TBC1D23: variants seen among roughly 807,000 people sequenced by gnomAD.
TBC1D23 encodes TBC1 domain family member 23, also known as HCV non-structural protein 4A-transactivated protein 1.
In TBC1D23, 55 loss-of-function variants were observed where a neutral mutation model predicts 91.4. The observed-to-expected ratio is 0.60, with a 90% CI of 0.48 to 0.75. The LOEUF is 0.75. Ranked by LOEUF, TBC1D23 falls within the 30% of genes least tolerant of loss-of-function variation. TBC1D23 has a pLI of 0.00. For synonymous variants in TBC1D23, 289 were observed against 281.0 expected, an observed-to-expected ratio of 1.03 and a Z score of -0.28; for missense variants, 725 against 836.1, an observed-to-expected ratio of 0.87 and a Z score of 1.64.
rs775998079 is a variant in TBC1D23 at position 100,290,595 on chromosome 3, G to A, written c.494G>A (p.Gly165Glu). The change falls in exon 5 of 19, where the codon GGG (glycine) becomes GAG (glutamate). Residue 165 changes from glycine to glutamate, a missense_variant. Transcript: ENST00000394144. ...KYIPRDCSQK[G>E]RPFHLFRLLI... ...TCTTCTAGGGATTGTTCCCAGAAAG[G>A]GAGACCATTTCATCTCTTCAGGTTG... 3.1e-6 allele frequency: 5 copies of A among 1,613,686 alleles called. No homozygotes were observed. Among genetic ancestry groups the A allele is most frequent in the Non-Finnish European group, 4.2e-6 (5 of 1,179,794 alleles).
intron 4 of TBC1D23, among the ~76,000 whole-genome samples, chr3:100,287,081 G>A (rs915641859): frequency 2.0e-5 from 3 of 152,142 alleles, no homozygotes; most frequent in African/African-American, 7.2e-5. Context: ...CCAAAGTGCT[G>A]AGATTACAGG....
Position 100,306,460 on chromosome 3 carries a change from A to G in TBC1D23, c.1330A>G (p.Ile444Val). ...AGCACTGCAGCAGCACCTGGCAGAC[A>G]TTAATGTGGATGGACCAGAAAATGG... is the stretch of plus-strand genomic sequence containing the variant. ...FMALQQHLADINVDGPENGYG... is the reference protein window; with the variant it reads ...FMALQQHLADVNVDGPENGYG... The change falls in exon 13 of 19, where the codon ATT (isoleucine) becomes GTT (valine). Residue 444 changes from isoleucine to valine, a missense_variant. By Grantham distance (29) the Ile-to-Val change is conservative. Coordinates refer to ENST00000394144, the MANE Select transcript of TBC1D23 (RefSeq NM_001199198.3). The G allele has an allele frequency of 6.2e-7, 1 of 1,611,250 alleles. No homozygotes were observed. Among genetic ancestry groups the G allele is most frequent in the Non-Finnish European group, 8.5e-7 (1 of 1,177,566 alleles).
chr3:100,304,738 G>C (rs150310875), intron 11 of TBC1D23, 108 bp from the exon 12 acceptor site: 2 of 658,198 alleles, frequency 3.0e-6, no homozygotes, highest in Non-Finnish European at 5.5e-6. Flanking sequence ...AGAAAGCCCG[G>C]TAATTTAATG....
At chr3:100,275,682 A>G (rs2067642888) in intron 1 of TBC1D23, among the ~76,000 whole-genome samples, 1 of 152,220 alleles carries the variant, frequency 6.6e-6, no homozygotes. Flanking sequence ...TATATGTATC[A>G]TACACTTAAC....
chr3:100,276,365 C>G (rs1166067683), intron 1 of TBC1D23, among the ~76,000 whole-genome samples: 2 of 151,340 alleles, frequency 1.3e-5, no homozygotes, highest in Non-Finnish European at 2.9e-5. Flanking sequence ...ATATGTAATC[C>G]AGTTGCTTTT....
At chr3:100,276,351 C>T (rs1176855675) in intron 1 of TBC1D23, among the ~76,000 whole-genome samples, 3 of 151,656 alleles carry the variant, frequency 2.0e-5, no homozygotes, top group Non-Finnish European at 4.4e-5. Flanking sequence ...TTTAGGAACA[C>T]AATATATGTA....
chr3:100,296,655 C>G (rs930229671), intron 8 of TBC1D23, among the ~76,000 whole-genome samples: 5 of 151,246 alleles, frequency 3.3e-5, no homozygotes, highest in Non-Finnish European at 5.9e-5. Flanking sequence ...GTCGGGAGAT[C>G]GAGACCATCC....
intron 5 of TBC1D23, among the ~76,000 whole-genome samples, chr3:100,293,676 AT>A (rs2067812976): frequency 6.6e-6 from 1 of 152,170 alleles, no homozygotes; most frequent in Admixed American, 6.5e-5. Context: ...AGCATTATGT[AT>A]TTTAAAAGCC....
At chr3:100,282,302 C>T (rs546265487) in intron 3 of TBC1D23, among the ~76,000 whole-genome samples, 73 of 152,262 alleles carry the variant, frequency 4.8e-4, no homozygotes, top group African/African-American at 1.8e-3. Context: ...CAGAGTGAGA[C>T]TCTATCTCAA....
chr3:100,262,303 T>C lies in TBC1D23; in HGVS notation c.53+1232T>C, dbSNP rs184427435. On this transcript the variant is annotated intron_variant, in intron 1 of 18. Transcript: ENST00000394144. ...TGGGGGCTGGGGCAGTTGGAGTCAC[T>C]GGGGGAAAGCTTCATGAAAGCAGCA... is the stretch of plus-strand genomic sequence containing the variant. Among the ~76,000 whole-genome samples, 358 of 152,274 alleles carry C rather than the reference T, an allele frequency of 2.4e-3. 10 individuals are homozygous for C. The highest frequency in any genetic ancestry group is 6.6e-4 in the Non-Finnish European group (45 of 68,010).
At chr3:100,291,563 A>G (rs1297331791) in intron 5 of TBC1D23, among the ~76,000 whole-genome samples, 1 of 151,446 alleles carries the variant, frequency 6.6e-6, no homozygotes, top group Admixed American at 6.6e-5. Flanking sequence ...AGCCTGGGCA[A>G]CAGAGTGAGA....
At chr3:100,321,687 A>G (rs1417064769) in intron 18 of TBC1D23, among the ~76,000 whole-genome samples, 2 of 152,234 alleles carry the variant, frequency 1.3e-5, no homozygotes, top group Non-Finnish European at 2.9e-5. Context: ...TTAAGGTTAT[A>G]TCGCAGCACT....
chr3:100,294,248 TA>T (rs984480742), intron 5 of TBC1D23, among the ~76,000 whole-genome samples: 14 of 151,884 alleles, frequency 9.2e-5, no homozygotes, highest in African/African-American at 3.4e-4. Flanking sequence ...GAATGTTATT[TA>T]TTTTTTTTTG....
In TBC1D23 at chr3:100,296,373, TTC is replaced by T. The variant is rs1409753153; in HGVS notation, c.876+100_876+101del. 1.5e-5 allele frequency: 11 copies of T among 714,406 alleles called. No homozygotes were observed. The African/African-American group carries it at 2.0e-4, about 13-fold the overall frequency. The allele number at this position is 714,406 out of a possible 1,614,324, so 44.3% of individuals were successfully genotyped here. The stretch of plus-strand genomic sequence containing the variant: ...TTAGTTAAAATAGGTTGTCAATTTT[TTC>T]TGTTTCTTTATGTGTTGTAGTTTTG... On this transcript the variant is annotated intron_variant, in intron 8 of 18. Transcript: ENST00000394144.
intron 1 of TBC1D23, among the ~76,000 whole-genome samples, chr3:100,262,738 A>AAC (rs1285678127): frequency 1.3e-5 from 2 of 151,430 alleles, no homozygotes; most frequent in Admixed American, 1.3e-4. Context: ...AAAAAAAAAA[A>AAC]AAAAAAACAC....
In TBC1D23 at chr3:100,293,513, G is replaced by A. The variant is rs1559807335; in HGVS notation, c.601-1574G>A. Among the ~76,000 whole-genome samples the A allele has an allele frequency of 2.0e-5, 3 of 152,172 alleles. No homozygotes were observed. In the South Asian group the frequency reaches 6.2e-4, roughly 32 times the overall value. ...TATCATGAGATGAAACAATTAAAAA[G>A]TAATTCCTAAACCACTGTGAGCAAT... On this transcript the variant is annotated intron_variant, in intron 5 of 18. Transcript: ENST00000394144.
intron 11 of TBC1D23, 120 bp downstream of exon 11, chr3:100,302,357 T>A: frequency 2.7e-6 from 2 of 743,230 alleles, no homozygotes; most frequent in Non-Finnish European, 4.0e-6. Context: ...TGTGACTTGT[T>A]AAGGTCTTCT....
chr3:100,299,243 G>A lies in TBC1D23; in HGVS notation c.1004G>A (p.Gly335Glu), dbSNP rs367850996. 4 of 1,609,954 alleles carry A rather than the reference G, an allele frequency of 2.5e-6. No homozygotes were observed. In the Admixed American group the frequency reaches 5.0e-5, roughly 20 times the overall value. The stretch of plus-strand genomic sequence containing the variant: ...CAAATGTTGTTTCCGTTTTAGGAAG[G>A]AGTCCGGTTCTTTGTGGTGGATTGC... ...ILQANQLQGE[G>E]VRFFVVDCRP... is the part of the protein sequence containing the mutation. The change falls in exon 10 of 19, where the codon GGA becomes GAA. Residue 335 changes from glycine (G) to glutamate (E), a missense_variant. Gly to Glu is a moderately conservative substitution (Grantham distance 98, BLOSUM62 -2). Transcript: ENST00000394144.
At chr3:100,295,276 C>A in intron 6 of TBC1D23, 26 bp from the exon 7 acceptor site, 1 of 1,605,424 alleles carries the variant, frequency 6.2e-7, no homozygotes, top group South Asian at 1.1e-5. Flanking sequence ...ATATTTAACT[C>A]AAATTGATTT....
Sources: gnomAD v4.1 joint callset for allele counts (sites outside exome capture counted in the v4.1 genomes callset) on GRCh38, gnomAD v4.1.1 for gene constraint, MANE v1.5 for transcripts, NCBI Gene and HGNC (gene_info 2026-07-23, HGNC 2026-07-21) for gene names.